PTPRJ: variants seen among roughly 807,000 people sequenced by gnomAD.
PTPRJ encodes protein tyrosine phosphatase receptor type J.
In PTPRJ, 129 loss-of-function variants were observed where a neutral mutation model predicts 141.3. The observed-to-expected ratio is 0.91, with a 90% CI of 0.79 to 1.06. The LOEUF is 1.06. Among genes scored for constraint, PTPRJ ranks in the 50% least tolerant of loss-of-function variants. The probability of loss-of-function intolerance (pLI) is 0.00; values close to 1 mark genes in which losing one functional copy is unlikely to be tolerated. For synonymous variants in PTPRJ, 610 were observed against 640.5 expected (o/e 0.95, Z 0.72); for missense variants, 1,601 against 1,679.7 (o/e 0.95, Z 0.82).
chr11:48,089,041 G>A (rs1023795620), intron 1 of PTPRJ, among the ~76,000 whole-genome samples: 12 of 53,362 alleles, frequency 2.2e-4, no homozygotes, highest in East Asian at 5.0e-4. Context: ...CCCGGTTAGC[G>A]TGCTGTGCGC....
chr11:48,153,705 T>C (rs768279987), intron 18 of PTPRJ, 91 bp from the exon 19 acceptor site: 3 of 805,236 alleles, frequency 3.7e-6, no homozygotes, highest in East Asian at 2.6e-5. Flanking sequence ...TCTATGGGAC[T>C]GTTGGGCTGG....
At chr11:47,988,468 C>A (rs1854107941) in intron 1 of PTPRJ, among the ~76,000 whole-genome samples, 1 of 152,050 alleles carries the variant, frequency 6.6e-6, no homozygotes, top group African/African-American at 2.4e-5. Flanking sequence ...ACCTCGGCCT[C>A]CCACAGTGCT....
chr11:48,122,259 A>G (rs2134340559), intron 4 of PTPRJ, among the ~76,000 whole-genome samples: 1 of 152,302 alleles, frequency 6.6e-6, no homozygotes, highest in African/African-American at 2.4e-5. Flanking sequence ...CAGAGAGATG[A>G]CAGAAGAGAA....
intron 1 of PTPRJ, among the ~76,000 whole-genome samples, chr11:48,078,446 G>A (rs904360388): frequency 1.3e-5 from 2 of 152,196 alleles, no homozygotes; most frequent in Admixed American, 1.3e-4. Context: ...GTGTCCTGGA[G>A]CCCTACAGAG....
At chr11:48,092,426 A>G (rs1379590208) in intron 1 of PTPRJ, among the ~76,000 whole-genome samples, 3 of 150,924 alleles carry the variant, frequency 2.0e-5, no homozygotes, top group African/African-American at 7.3e-5. Flanking sequence ...TGAAAAATTC[A>G]GTGTCTTTTT....
rs1419561038 is a variant in PTPRJ at position 48,156,029 on chromosome 11, A to C, written c.3348A>C (p.Leu1116Phe). ...ATTTTATTGCCACACAAGGACCTTTACCGAACACTTTGAAAGATTTTTGGC... is the reference window on the plus strand; with the variant it reads ...ATTTTATTGCCACACAAGGACCTTTCCCGAACACTTTGAAAGATTTTTGGC... ...KKDFIATQGP[L>F]PNTLKDFWRM... The change falls in exon 21 of 25, where the codon TTA (leucine) becomes TTC (phenylalanine). Residue 1116 changes from leucine (L) to phenylalanine (F), a missense_variant. Coordinates refer to ENST00000418331, the MANE Select transcript of PTPRJ (RefSeq NM_002843.4). 2 of 1,607,320 alleles carry C rather than the reference A, an allele frequency of 1.2e-6. No individual in the cohort carries two copies. Among genetic ancestry groups the C allele is most frequent in the Non-Finnish European group, 1.7e-6 (2 of 1,173,878 alleles).
At chr11:48,016,274 T>C (rs983929298) in intron 1 of PTPRJ, among the ~76,000 whole-genome samples, 3 of 152,222 alleles carry the variant, frequency 2.0e-5, no homozygotes, top group Non-Finnish European at 4.4e-5. Flanking sequence ...AGATGAGCAC[T>C]GTTATGTTCT....
rs1206503872 is a variant in PTPRJ, at chr11:48,026,996, CTTTTTTTTTTTTTT to C, written c.96+46001_96+46014del. 3.5e-5 allele frequency among the ~76,000 whole-genome samples: 4 copies of C among 113,230 alleles called. No individual in the cohort carries two copies. In the South Asian group the frequency reaches 7.9e-4, roughly 22 times the overall value. 74.3% of individuals were successfully genotyped at this position (113,230 alleles called of 152,430 possible). Reference sequence around the variant, plus strand: ...TGATTTGGATGGGTCTTGGAATACCCTTTTTTTTTTTTTTTTTTTTTTTTTTGAGACGGCGTCTC... The same window carrying C: ...TGATTTGGATGGGTCTTGGAATACCCTTTTTTTTTTTTGAGACGGCGTCTC... On this transcript the variant is annotated intron_variant, in intron 1 of 24. Transcript: ENST00000418331.
intron 1 of PTPRJ, among the ~76,000 whole-genome samples, chr11:48,031,637 G>A (rs774596444): frequency 5.9e-5 from 9 of 152,136 alleles, no homozygotes; most frequent in African/African-American, 1.2e-4. Flanking sequence ...ACACAGGGTC[G>A]GATCCTGGCT....
At chr11:48,074,374 C>T (rs1259253477) in intron 1 of PTPRJ, among the ~76,000 whole-genome samples, 2 of 152,086 alleles carry the variant, frequency 1.3e-5, no homozygotes, top group Non-Finnish European at 2.9e-5. Context: ...TATTTAGAGC[C>T]TTTTACTTGA....
chr11:48,053,321 A>G (rs1308685589), intron 1 of PTPRJ, among the ~76,000 whole-genome samples: 2 of 93,224 alleles, frequency 2.1e-5, no homozygotes, highest in South Asian at 2.4e-4. Flanking sequence ...TATAATATAT[A>G]TTATATATTA....
intron 9 of PTPRJ, 107 bp from the exon 10 acceptor site, chr11:48,136,896 A>T: frequency 8.7e-7 from 1 of 1,151,496 alleles, no homozygotes. Flanking sequence ...TACTAGTTTT[A>T]TTCATTCTTT....
Position 48,163,613 on chromosome 11 carries a change from T to C in PTPRJ, c.3714T>C (p.His1238=). 1 of 1,612,930 alleles carries C rather than the reference T, an allele frequency of 6.2e-7. No homozygotes were observed. ...CTCCCGAATCGCCGATTCTGGTGCA[T>C]TGCAGGTACGCAGATGGCACGTCAC... The part of the protein sequence containing the change: ...QSPPESPILV[H]CSAGVGRTGT... The change falls in exon 23 of 25, where the codon CAT becomes CAC. Residue 1238 remains histidine (H), a synonymous_variant. Coordinates refer to ENST00000418331, the MANE Select transcript of PTPRJ (RefSeq NM_002843.4).
intron 1 of PTPRJ, among the ~76,000 whole-genome samples, chr11:48,094,054 A>G (rs7130402): frequency 0.079 from 11,962 of 152,224 alleles, 505 homozygotes; most frequent in Middle Eastern, 0.15. Flanking sequence ...CTCCTGAGTA[A>G]GATAGATGCA....
At chr11:48,011,573 C>A (rs937052852) in intron 1 of PTPRJ, among the ~76,000 whole-genome samples, 4 of 152,190 alleles carry the variant, frequency 2.6e-5, no homozygotes, top group Non-Finnish European at 5.9e-5. Flanking sequence ...ACCATGAGAA[C>A]CTGCCCTGTT....
intron 9 of PTPRJ, among the ~76,000 whole-genome samples, 182 bp from the exon 10 acceptor site, chr11:48,136,821 C>T (rs1857111866): frequency 6.6e-6 from 1 of 152,092 alleles, no homozygotes; most frequent in Admixed American, 6.5e-5. Flanking sequence ...TCTTTTGAGA[C>T]TTAATCTGTA....
chr11:47,984,893 G>A (rs1215706047), intron 1 of PTPRJ, among the ~76,000 whole-genome samples: 8 of 120,330 alleles, frequency 6.6e-5, no homozygotes, highest in Non-Finnish European at 1.4e-4. Flanking sequence ...TAGCTCTGTT[G>A]CCAGGCTGGA....
chr11:48,047,193 G>A (rs1854430213), intron 1 of PTPRJ, among the ~76,000 whole-genome samples: 1 of 152,104 alleles, frequency 6.6e-6, no homozygotes, highest in African/African-American at 2.4e-5. Flanking sequence ...TGGGATTACA[G>A]GCATGAGCCA....
intron 1 of PTPRJ, among the ~76,000 whole-genome samples, chr11:48,052,311 A>G (rs1854592156): frequency 6.6e-6 from 1 of 152,218 alleles, no homozygotes; most frequent in African/African-American, 2.4e-5. Flanking sequence ...GGCTCTTGAA[A>G]TGTGCAAGTG....
Sources: allele counts gnomAD v4.1 joint callset (sites outside exome capture counted in the v4.1 genomes callset), GRCh38; gene constraint gnomAD v4.1.1; transcripts MANE v1.5; gene names NCBI Gene and HGNC (gene_info 2026-07-23, HGNC 2026-07-21).